The following CREB5 variants were observed in gnomAD, a reference collection of about 807,000 sequenced individuals.
The protein encoded by CREB5 is cAMP responsive element binding protein 5.
A neutral mutation model predicts 57.1 loss-of-function variants in CREB5; 19 were observed. The ratio of observed to expected loss-of-function variants is 0.33; its 90% CI spans 0.23 to 0.49. The LOEUF is 0.49. Among genes scored for constraint, CREB5 ranks in the 20% least tolerant of loss-of-function variants. The pLI, the probability that CREB5 is intolerant of heterozygous loss-of-function variation, is 0.99. For missense variants in CREB5, 579 were observed against 671.6 expected, an observed-to-expected ratio of 0.86 and a Z score of 1.52; for synonymous variants, 238 against 238.3, an observed-to-expected ratio of 1.00 and a Z score of 0.01.
At chr7:28,736,358 G>A (rs912376251) in intron 7 of CREB5, among the ~76,000 whole-genome samples, 134 of 151,804 alleles carry the variant, frequency 8.8e-4, no homozygotes, top group Non-Finnish European at 2.5e-4. Flanking sequence ...TAGTAAAGAC[G>A]GGGTTTCTCC....
At chr7:28,719,345 C>T (rs1802885537) in intron 6 of CREB5, among the ~76,000 whole-genome samples, 1 of 152,220 alleles carries the variant, frequency 6.6e-6, no homozygotes, top group African/African-American at 2.4e-5. Flanking sequence ...ATCATGCTAG[C>T]AGTATTTATT....
chr7:28,576,284 C>T (rs1358755547), intron 5 of CREB5, among the ~76,000 whole-genome samples: 3 of 152,202 alleles, frequency 2.0e-5, no homozygotes, highest in Non-Finnish European at 2.9e-5. Context: ...GGATCTACTA[C>T]GTGTCAGGCA....
chr7:28,771,158 A>G (rs1270479430), intron 7 of CREB5, among the ~76,000 whole-genome samples: 7 of 152,140 alleles, frequency 4.6e-5, no homozygotes, highest in Admixed American at 4.6e-4. Flanking sequence ...ATCACCCTAC[A>G]TCTCAATGCT....
intron 5 of CREB5, among the ~76,000 whole-genome samples, chr7:28,644,254 G>A (rs935669890): frequency 2.0e-5 from 3 of 152,212 alleles, no homozygotes; most frequent in Admixed American, 1.3e-4. Flanking sequence ...AAGCAGACCT[G>A]GTGATGCCTG....
At chr7:28,605,730 T>G (rs1797106340) in intron 5 of CREB5, among the ~76,000 whole-genome samples, 10 of 152,116 alleles carry the variant, frequency 6.6e-5, no homozygotes, top group Admixed American at 6.5e-4. Context: ...CACAGTGCTT[T>G]GAACAAAATG....
At chr7:28,473,472 T>G (rs1359263423) in intron 1 of CREB5, among the ~76,000 whole-genome samples, 1 of 152,214 alleles carries the variant, frequency 6.6e-6, no homozygotes, top group Non-Finnish European at 1.5e-5. Context: ...TTGTTTTGCT[T>G]TTTGTTTCTT....
chr7:28,333,349 G>A (rs1468068887), intron 1 of CREB5, among the ~76,000 whole-genome samples: 1 of 152,056 alleles, frequency 6.6e-6, no homozygotes, highest in Non-Finnish European at 1.5e-5. Flanking sequence ...TCATCTTGGG[G>A]TAAATGGCAT....
intron 1 of CREB5, among the ~76,000 whole-genome samples, chr7:28,456,814 C>T (rs1583485479): frequency 1.3e-5 from 2 of 152,350 alleles, no homozygotes; most frequent in Middle Eastern, 6.8e-3. Context: ...AGAATTGTGC[C>T]TGGGCACACC....
chr7:28,658,981 G>GTGTATATATATA (rs1799477666), intron 5 of CREB5, among the ~76,000 whole-genome samples: 5 of 90,086 alleles, frequency 5.6e-5, no homozygotes, highest in African/African-American at 1.9e-4. Context: ...ATATATATAT[G>GTGTATATATATA]TATATATAAG....
At chr7:28,538,250 C>T (rs761876075) in intron 4 of CREB5, among the ~76,000 whole-genome samples, 27 of 152,088 alleles carry the variant, frequency 1.8e-4, no homozygotes, top group Admixed American at 3.3e-4. Context: ...GACAGAGTTT[C>T]GCCATGTTGG....
In CREB5 at chr7:28,671,983, C is replaced by T. The variant is rs540139362; in HGVS notation, c.465-46770C>T. On this transcript the variant is annotated intron_variant, in intron 5 of 10. Coordinates refer to ENST00000357727, the MANE Select transcript of CREB5 (RefSeq NM_182898.4). ...ATCTTTTTTACCTTCAAAGTTTCAA[C>T]CATGCACTTAATGCCTGTGAGCTTT... 5.3e-5 allele frequency among the ~76,000 whole-genome samples: 8 copies of T among 152,106 alleles called. No individual in the cohort carries two copies. In the East Asian group the frequency reaches 1.5e-3, roughly 29 times the overall value.
At chr7:28,467,408 G>C (rs540767503) in intron 1 of CREB5, among the ~76,000 whole-genome samples, 1 of 152,188 alleles carries the variant, frequency 6.6e-6, no homozygotes, top group Admixed American at 6.5e-5. Context: ...TTTTTCTATC[G>C]TTTTGCATGC....
chr7:28,804,558 TCTC>T (rs754790715), intron 8 of CREB5, 36 bp downstream of exon 8: 1 of 1,603,786 alleles, frequency 6.2e-7, no homozygotes, highest in East Asian at 2.2e-5. Context: ...CCCTTCTTAT[TCTC>T]CTTCTTAACA....
chr7:28,402,576 G>A (rs959847678), intron 1 of CREB5, among the ~76,000 whole-genome samples: 6 of 152,132 alleles, frequency 3.9e-5, no homozygotes, highest in Non-Finnish European at 7.4e-5. Flanking sequence ...AATGGGGAAA[G>A]GATTCCTTAT....
At chr7:28,593,434 A>G (rs1796593686) in intron 5 of CREB5, among the ~76,000 whole-genome samples, 1 of 152,034 alleles carries the variant, frequency 6.6e-6, no homozygotes, top group East Asian at 1.9e-4. Context: ...TTTTTAGTGG[A>G]GATGGGGTTT....
At chr7:28,723,070 G>A (rs189383598) in intron 6 of CREB5, among the ~76,000 whole-genome samples, 4 of 152,140 alleles carry the variant, frequency 2.6e-5, no homozygotes, top group Admixed American at 6.5e-5. Flanking sequence ...AAGCAACTCC[G>A]TATTTTCCAA....
chr7:28,427,076 A>G (rs1788537419), intron 1 of CREB5, among the ~76,000 whole-genome samples: 1 of 152,226 alleles, frequency 6.6e-6, no homozygotes, highest in Non-Finnish European at 1.5e-5. Context: ...CTCTGTTGCT[A>G]AAAGACAACT....
At chr7:28,644,138 A>C (rs1397220616) in intron 5 of CREB5, among the ~76,000 whole-genome samples, 2 of 151,728 alleles carry the variant, frequency 1.3e-5, no homozygotes, top group Non-Finnish European at 2.9e-5. Context: ...AGAAAGAAAA[A>C]GAAAAGAAAA....
intron 7 of CREB5, among the ~76,000 whole-genome samples, chr7:28,734,396 G>A (rs1001566050): frequency 6.6e-6 from 1 of 151,718 alleles, no homozygotes. Context: ...ATCAAAATTG[G>A]GTTCACACTA....
Sources: gnomAD v4.1 joint callset for allele counts (sites outside exome capture counted in the v4.1 genomes callset) on GRCh38, gnomAD v4.1.1 for gene constraint, MANE v1.5 for transcripts, NCBI Gene and HGNC (gene_info 2026-07-23, HGNC 2026-07-21) for gene names.